The following SAMSN1 variants were observed in gnomAD, a reference collection of about 807,000 sequenced individuals.
SAMSN1 encodes the protein SAM domain-containing protein SAMSN-1.
Under a neutral mutation model 42.0 loss-of-function variants are expected in SAMSN1, and 31 were observed. The ratio of observed to expected loss-of-function variants is 0.74; its 90% CI spans 0.55 to 1.00. SAMSN1 has a LOEUF of 1.00. Among genes scored for constraint, SAMSN1 ranks in the 50% least tolerant of loss-of-function variants. SAMSN1 has a pLI of 0.00. For synonymous variants in SAMSN1, 178 were observed against 151.9 expected (o/e 1.17, Z -1.26); for missense variants, 464 against 439.4 (o/e 1.06, Z -0.50).
At chr21:14,587,886 T>TCCCTCCC (rs1247123415), upstream of SAMSN1, among the ~76,000 whole-genome samples, 2 of 121,728 alleles carry the variant, frequency 1.6e-5, no homozygotes, top group Non-Finnish European at 3.4e-5. Context: ...CCCAATGCTA[T>TCCCTCCC]CCCTCCCCCC....
intron 2 of SAMSN1, among the ~76,000 whole-genome samples, chr21:14,581,966 T>C (rs1041111758): frequency 1.3e-5 from 2 of 152,210 alleles, no homozygotes; most frequent in African/African-American, 4.8e-5. Context: ...GAAATGTTAA[T>C]ATGGGTAAAA....
rs73344160 is a variant in SAMSN1, at chr21:14,512,578, A to G, written c.280-5T>C. Reference sequence around the variant, plus strand: ...ATTCTCTCCATCTTCCTCATCCTTCAGAAAACATATCAGAGGTTAGGTACA... The same window carrying G: ...ATTCTCTCCATCTTCCTCATCCTTCGGAAAACATATCAGAGGTTAGGTACA... On this transcript the variant is annotated splice_region_variant and splice_polypyrimidine_tract_variant and intron_variant, in intron 3 of 7. Coordinates refer to ENST00000400566, the MANE Select transcript of SAMSN1 (RefSeq NM_022136.5). 14,236 of 1,613,682 alleles carry G rather than the reference A, an allele frequency of 8.8e-3. 1,049 individuals are homozygous for G. In the African/African-American group the frequency reaches 0.16, roughly 19 times the overall value.
intron 1 of SAMSN1, among the ~76,000 whole-genome samples, chr21:14,654,872 AAGAG>A (rs1489943823): frequency 6.6e-6 from 1 of 151,780 alleles, no homozygotes; most frequent in Non-Finnish European, 1.5e-5. Context: ...GAAAGAGAGA[AAGAG>A]AGAGAGAAGA....
At chr21:14,528,269 TCTAA>T (rs1389954150) in intron 1 of SAMSN1, among the ~76,000 whole-genome samples, 1 of 152,142 alleles carries the variant, frequency 6.6e-6, no homozygotes, top group Non-Finnish European at 1.5e-5. Flanking sequence ...TCTCTTCTTC[TCTAA>T]CTAATAAGCC....
intron 2 of SAMSN1, among the ~76,000 whole-genome samples, chr21:14,630,176 T>A (rs2123360136): frequency 6.6e-6 from 1 of 152,288 alleles, no homozygotes; most frequent in African/African-American, 2.4e-5. Context: ...CCAGGGCTGC[T>A]ACTAAACTGG....
At chr21:14,567,463 C>G (rs905137850) in intron 2 of SAMSN1, among the ~76,000 whole-genome samples, 3 of 152,098 alleles carry the variant, frequency 2.0e-5, no homozygotes, top group Non-Finnish European at 4.4e-5. Context: ...TGTTAATACC[C>G]TTTGCTTGGG....
At chr21:14,570,123 C>G (rs8131224) in intron 2 of SAMSN1, among the ~76,000 whole-genome samples, 1 of 151,988 alleles carries the variant, frequency 6.6e-6, no homozygotes, top group Non-Finnish European at 1.5e-5. Context: ...CGGGTGACTG[C>G]GCAGGTACCT....
chr21:14,637,860 T>C (rs1280783207), intron 2 of SAMSN1, among the ~76,000 whole-genome samples: 1 of 152,184 alleles, frequency 6.6e-6, no homozygotes, highest in Non-Finnish European at 1.5e-5. Context: ...AGACAAAAGA[T>C]AGCCACCTTC....
intron 1 of SAMSN1, among the ~76,000 whole-genome samples, chr21:14,544,832 C>G (rs767017937): frequency 6.6e-6 from 1 of 152,024 alleles, no homozygotes; most frequent in Non-Finnish European, 1.5e-5. Context: ...TTATTAAATA[C>G]TCTCTCTTTA....
chr21:14,589,472 A>T (rs1982015479), intron 7 of SAMSN1, among the ~76,000 whole-genome samples: 1 of 152,120 alleles, frequency 6.6e-6, no homozygotes, highest in Non-Finnish European at 1.5e-5. Flanking sequence ...TTTCCAAAAC[A>T]GAGGATAAGT....
chr21:14,596,393 C>T (rs1392344603), intron 6 of SAMSN1, among the ~76,000 whole-genome samples: 2 of 152,058 alleles, frequency 1.3e-5, no homozygotes, highest in East Asian at 3.9e-4. Context: ...TCTATAACCT[C>T]AAAATACTAT....
intron 1 of SAMSN1, among the ~76,000 whole-genome samples, chr21:14,649,429 A>G (rs1254799812): frequency 1.3e-5 from 2 of 152,090 alleles, no homozygotes; most frequent in Non-Finnish European, 2.9e-5. Flanking sequence ...ATAACAATAA[A>G]AGAAAAAATT....
At chr21:14,531,294 A>C (rs888460894) in intron 1 of SAMSN1, among the ~76,000 whole-genome samples, 17 of 152,236 alleles carry the variant, frequency 1.1e-4, no homozygotes, top group African/African-American at 4.1e-4. Context: ...TACTGTTAAT[A>C]AGATTTATCA....
At chr21:14,583,661 A>C (rs1329143256), upstream of SAMSN1, 1 of 717,254 alleles carries the variant, frequency 1.4e-6, no homozygotes, top group Non-Finnish European at 2.6e-6. Flanking sequence ...GAGGTTTATT[A>C]ATGTCGGTTT....
intron 2 of SAMSN1, among the ~76,000 whole-genome samples, chr21:14,616,773 A>G (rs1982847674): frequency 6.6e-6 from 1 of 152,184 alleles, no homozygotes; most frequent in Non-Finnish European, 1.5e-5. Flanking sequence ...TTTACATACT[A>G]AAGAAAATTG....
chr21:14,539,624 T>C (rs7509975), intron 1 of SAMSN1, among the ~76,000 whole-genome samples: 81,547 of 150,638 alleles, frequency 0.54, 22,509 homozygotes, highest in East Asian at 0.79. Flanking sequence ...CTACAAACCA[T>C]TGCTCAATGA....
chr21:14,528,131 AG>A (rs1039137083), intron 1 of SAMSN1, among the ~76,000 whole-genome samples: 3 of 152,152 alleles, frequency 2.0e-5, no homozygotes, highest in Non-Finnish European at 4.4e-5. Flanking sequence ...GGAAATGAAA[AG>A]CTTTAGAAAA....
intron 7 of SAMSN1, chr21:14,592,354 T>C (rs1982111699): frequency 6.6e-6 from 1 of 152,574 alleles, no homozygotes; most frequent in African/African-American, 2.4e-5. Context: ...AATTACACAG[T>C]AAAAAAACAT....
At chr21:14,612,571 T>G in intron 4 of SAMSN1, 1 of 503,588 alleles carries the variant, frequency 2.0e-6, no homozygotes, top group Non-Finnish European at 4.0e-6. Flanking sequence ...ACAAGTCACC[T>G]TGACCACGGA....
Sources: gnomAD v4.1 joint callset for allele counts (sites outside exome capture counted in the v4.1 genomes callset) on GRCh38, gnomAD v4.1.1 for gene constraint, MANE v1.5 for transcripts, NCBI Gene and HGNC (gene_info 2026-07-23, HGNC 2026-07-21) for gene names.